SIDT1: variants seen among roughly 807,000 people sequenced by gnomAD.
SIDT1 encodes the protein SID1 transmembrane family, member 1.
In SIDT1, 101 loss-of-function variants were observed where a neutral mutation model predicts 107.5. The ratio of observed to expected loss-of-function variants is 0.94; its 90% CI spans 0.80 to 1.11. The LOEUF (loss-of-function observed/expected upper bound fraction) is 1.11, where lower values mean the gene tolerates loss of function less well. Among genes scored for constraint, SIDT1 ranks in the 50% least tolerant of loss-of-function variants. The pLI is 0.00. For synonymous variants in SIDT1, 395 were observed against 398.2 expected, an observed-to-expected ratio of 0.99 and a Z score of 0.10; for missense variants, 1,076 against 1,058.2, an observed-to-expected ratio of 1.02 and a Z score of -0.23.
chr3:113,571,067 C>A (rs1387043299), intron 3 of SIDT1, among the ~76,000 whole-genome samples: 1 of 152,196 alleles, frequency 6.6e-6, no homozygotes, highest in African/African-American at 2.4e-5. Context: ...TTAAAACTGT[C>A]CTCCCAATTG....
At chr3:113,583,332 C>T in intron 6 of SIDT1, 77 bp from the exon 7 acceptor site, 1 of 1,069,182 alleles carries the variant, frequency 9.4e-7, no homozygotes, top group Non-Finnish European at 1.4e-6. Context: ...CTCTTTCTTT[C>T]TGCCCCTACC....
intron 8 of SIDT1, 147 bp from the exon 9 acceptor site, chr3:113,585,030 C>T: frequency 3.1e-6 from 2 of 655,052 alleles, no homozygotes; most frequent in Admixed American, 2.8e-5. Flanking sequence ...TGTCTGGGGA[C>T]CTCCAGTAGC....
Position 113,533,091 on chromosome 3 carries a change from C to A in SIDT1, c.70C>A (p.His24Asn). Residue 24 changes from histidine (H) to asparagine (N), a missense_variant, in exon 1 of 25, where the codon CAC (histidine) becomes AAC (asparagine). His to Asn is a moderately conservative substitution (Grantham distance 68). Transcript: ENST00000264852. ...GCTCCTGCTGGCGGCGTCGCCCGGG[C>A]ACCCGGCGAAATCCCCCAGGCAGCC... is the stretch of plus-strand genomic sequence containing the variant. Reference protein sequence around the residue: ...PWLLLAASPGHPAKSPRQPPA... With the variant: ...PWLLLAASPGNPAKSPRQPPA... 3 of 1,516,926 alleles carry A rather than the reference C, an allele frequency of 2.0e-6. No individual in the cohort carries two copies. Among genetic ancestry groups the A allele is most frequent in the Admixed American group, 2.2e-5 (1 of 46,424 alleles). 94.0% of individuals were successfully genotyped at this position (1,516,926 alleles called of 1,614,324 possible).
chr3:113,615,547 C>T (rs1378056654), intron 19 of SIDT1, among the ~76,000 whole-genome samples: 1 of 152,188 alleles, frequency 6.6e-6, no homozygotes, highest in Non-Finnish European at 1.5e-5. Context: ...CTTTTTCTCC[C>T]CATCTTAACT....
In SIDT1 at chr3:113,612,194, G is replaced by A; in HGVS notation, c.1966G>A (p.Asp656Asn). 6.2e-7 allele frequency: 1 copy of A among 1,600,640 alleles called. No individual in the cohort carries two copies. Among genetic ancestry groups the A allele is most frequent in the South Asian group, 1.1e-5 (1 of 90,760 alleles). ...ATATTATATGGGTCGTTTCAAGATA[G>A]GTGAGTCACCTGTTAATTCTATACT... is the stretch of plus-strand genomic sequence containing the variant. ...QIYYMGRFKIDLGIFRRAAMV... is the reference protein window; with the variant it reads ...QIYYMGRFKINLGIFRRAAMV... The change falls in exon 19 of 25, where the codon GAT becomes AAT. Residue 656 changes from aspartate (D) to asparagine (N), a missense_variant and splice_region_variant. By Grantham distance (23) the Asp-to-Asn change is conservative. Coordinates refer to ENST00000264852, the MANE Select transcript of SIDT1 (RefSeq NM_017699.3).
At chr3:113,553,692 G>T (rs941970947) in intron 1 of SIDT1, among the ~76,000 whole-genome samples, 2 of 152,188 alleles carry the variant, frequency 1.3e-5, no homozygotes, top group Non-Finnish European at 2.9e-5. Context: ...CAGGCTGTTG[G>T]CTGCCTTCCA....
In SIDT1 at chr3:113,611,129, C is replaced by T; in HGVS notation, c.1842C>T (p.Val614=). Residue 614 remains valine, a synonymous_variant, in exon 18 of 25, where the codon GTC becomes GTT. Transcript: ENST00000264852. The stretch of plus-strand genomic sequence containing the variant: ...CCTCCTTTGCTGTGGTCATCATGGT[C>T]ACCGTCCTTGGAGTGGTGCGTCCCC... The part of the protein sequence containing the change: ...AYASFAVVIM[V]TVLGVVFGKN... 1.9e-6 allele frequency: 3 copies of T among 1,614,036 alleles called. No homozygotes were observed. The highest frequency in any genetic ancestry group is 2.5e-6 in the Non-Finnish European group (3 of 1,179,956).
chr3:113,537,516 A>G (rs950614957), intron 1 of SIDT1, among the ~76,000 whole-genome samples: 7 of 152,236 alleles, frequency 4.6e-5, no homozygotes, highest in African/African-American at 1.7e-4. Flanking sequence ...CTCTTTATGT[A>G]CTGAGGCCAA....
Position 113,533,021 on chromosome 3 carries a change from C to A in SIDT1, c.-1C>A, listed in dbSNP as rs1172140488. ...TTTCGAGCCCGGGCGCGGTGCCCAC[C>A]ATGCGCGGCTGCCTGCGGCTCGCGC... On this transcript the variant is annotated 5_prime_UTR_variant, in exon 1 of 25. Transcript: ENST00000264852. 1.5e-6 allele frequency: 2 copies of A among 1,366,028 alleles called. No individual in the cohort carries two copies. Among genetic ancestry groups the A allele is most frequent in the Middle Eastern group, 2.2e-4 (1 of 4,640 alleles). The allele number at this position is 1,366,028 out of a possible 1,614,324, so 84.6% of individuals were successfully genotyped here. A position where few individuals can be genotyped will look rare whatever the true frequency, so the allele number is the denominator to read the frequency against.
intron 14 of SIDT1, 170 bp from the exon 15 acceptor site, chr3:113,606,869 GCC>G (rs1465976708): frequency 1.1e-4 from 56 of 502,638 alleles, no homozygotes; most frequent in Non-Finnish European, 1.6e-4. Flanking sequence ...TAAAAAAAGT[GCC>G]TGTGCTGTGT....
intron 9 of SIDT1, among the ~76,000 whole-genome samples, chr3:113,586,304 TAAAG>T (rs2107553162): frequency 6.6e-6 from 1 of 152,168 alleles, no homozygotes; most frequent in South Asian, 2.1e-4. Flanking sequence ...TCCCTGTTGA[TAAAG>T]GAAGGAAGGG....
intron 14 of SIDT1, 73 bp downstream of exon 14, chr3:113,605,049 CAG>C: frequency 1.3e-6 from 2 of 1,507,958 alleles, no homozygotes; most frequent in Non-Finnish European, 1.8e-6. Flanking sequence ...CTGTGACTGA[CAG>C]AGAGAGGTAC....
At chr3:113,621,249 C>G (rs1352902899) in intron 21 of SIDT1, among the ~76,000 whole-genome samples, 1 of 151,986 alleles carries the variant, frequency 6.6e-6, no homozygotes. Flanking sequence ...CAAGAGTTGC[C>G]TGGTATACTA....
chr3:113,621,579 T>G (rs1946467970), intron 21 of SIDT1, among the ~76,000 whole-genome samples: 1 of 152,220 alleles, frequency 6.6e-6, no homozygotes, highest in Non-Finnish European at 1.5e-5. Flanking sequence ...AAAATGTAAT[T>G]ATCTTATTAG....
At chr3:113,568,861 C>T (rs187392247) in intron 3 of SIDT1, among the ~76,000 whole-genome samples, 37 of 151,776 alleles carry the variant, frequency 2.4e-4, no homozygotes, top group African/African-American at 8.0e-4. Context: ...AGGCCAGGTG[C>T]GGTGGCTCAC....
At chr3:113,567,761 T>C in intron 3 of SIDT1, 51 bp downstream of exon 3, 1 of 1,560,680 alleles carries the variant, frequency 6.4e-7, no homozygotes, top group South Asian at 1.2e-5. Flanking sequence ...TGCTTGTGGA[T>C]GCTCAATTCA....
intron 4 of SIDT1, among the ~76,000 whole-genome samples, chr3:113,577,439 T>C (rs1434972695): frequency 1.3e-5 from 2 of 152,190 alleles, no homozygotes; most frequent in African/African-American, 4.8e-5. Flanking sequence ...CATTTTAATG[T>C]TTACAATGTT....
intron 21 of SIDT1, among the ~76,000 whole-genome samples, chr3:113,621,765 G>A (rs1288041837): frequency 1.3e-5 from 2 of 152,138 alleles, no homozygotes; most frequent in Non-Finnish European, 2.9e-5. Flanking sequence ...AAATTTCAAA[G>A]ATCTTTGAAA....
At chr3:113,624,988 G>A (rs1370118248) in intron 23 of SIDT1, among the ~76,000 whole-genome samples, 1 of 152,082 alleles carries the variant, frequency 6.6e-6, no homozygotes, top group East Asian at 1.9e-4. Flanking sequence ...CACTTAGATC[G>A]ATTCCATATT....
Sources: allele counts gnomAD v4.1 joint callset (sites outside exome capture counted in the v4.1 genomes callset), GRCh38; gene constraint gnomAD v4.1.1; transcripts MANE v1.5; gene names NCBI Gene and HGNC (gene_info 2026-07-23, HGNC 2026-07-21).